The following GRM8 variants were observed in gnomAD, a reference collection of about 807,000 sequenced individuals.
The protein encoded by GRM8 is metabotropic glutamate receptor 8.
In GRM8, 47 loss-of-function variants were observed where a neutral mutation model predicts 87.2. That is an observed-to-expected ratio of 0.54 (90% CI 0.43 to 0.69). The LOEUF (loss-of-function observed/expected upper bound fraction) is 0.69, where lower values mean the gene tolerates loss of function less well. GRM8 is among the 30% of genes least tolerant of loss of function. The pLI is 0.00. For missense variants in GRM8, 1,019 were observed against 1,139.2 expected, an observed-to-expected ratio of 0.89 and a Z score of 1.52; for synonymous variants, 396 against 404.5, an observed-to-expected ratio of 0.98 and a Z score of 0.25.
intron 7 of GRM8, among the ~76,000 whole-genome samples, chr7:126,675,540 A>G (rs1379082667): frequency 6.6e-6 from 1 of 152,190 alleles, no homozygotes; most frequent in African/African-American, 2.4e-5. Flanking sequence ...AAAATAATTC[A>G]CCACGATCAA....
intron 7 of GRM8, among the ~76,000 whole-genome samples, chr7:126,722,808 C>A (rs1347533199): frequency 6.8e-6 from 1 of 147,044 alleles, no homozygotes; most frequent in East Asian, 2.0e-4. Context: ...ACTTCATAAT[C>A]TTTAAGGAGA....
At chr7:126,909,243 A>T (rs543832760) in intron 3 of GRM8, among the ~76,000 whole-genome samples, 1 of 152,348 alleles carries the variant, frequency 6.6e-6, no homozygotes, top group African/African-American at 2.4e-5. Context: ...ACTTCATAAG[A>T]GGAAGAGGTT....
chr7:127,159,042 G>A lies in GRM8; in HGVS notation c.511-52330C>T, dbSNP rs180899464. The stretch of plus-strand genomic sequence containing the variant: ...AGAAAGCCTGTATGGAAATTACGCT[G>A]ATGCATTCCTCCTTGCATTCAGGTT... On this transcript the variant is annotated intron_variant, in intron 2 of 10. Transcript: ENST00000339582. 3.2e-4 allele frequency among the ~76,000 whole-genome samples: 48 copies of A among 152,304 alleles called. 1 individual carries two copies. In the East Asian group the frequency reaches 8.5e-3, roughly 27 times the overall value.
rs762212749 is a variant in GRM8 at position 126,533,773 on chromosome 7, G to C, written c.1609C>G (p.His537Asp). 5.6e-6 allele frequency: 9 copies of C among 1,613,912 alleles called. No individual in the cohort carries two copies. In the African/African-American group the frequency reaches 1.2e-4, roughly 22 times the overall value. Residue 537 changes from histidine (H) to aspartate (D), a missense_variant, in exon 9 of 11, where the codon CAC (histidine) becomes GAC (aspartate). By Grantham distance (81) the His-to-Asp change is moderately conservative. Transcript: ENST00000339582. Reference protein sequence around the residue: ...KTVKGVPCCWHCERCEGYNYQ... With the variant: ...KTVKGVPCCWDCERCEGYNYQ... Reference sequence around the variant, plus strand: ...TTGTAACCTTCACAGCGTTCACAGTGCCAGCAGCAAGGGACCCCTTTCACC... The same window carrying C: ...TTGTAACCTTCACAGCGTTCACAGTCCCAGCAGCAAGGGACCCCTTTCACC...
intron 7 of GRM8, among the ~76,000 whole-genome samples, chr7:126,626,699 C>G (rs1800733372): frequency 6.6e-6 from 1 of 152,160 alleles, no homozygotes; most frequent in Non-Finnish European, 1.5e-5. Flanking sequence ...TCTACCTTCT[C>G]TTTGCTTTAT....
intron 9 of GRM8, among the ~76,000 whole-genome samples, chr7:126,456,766 AT>A (rs1252362522): frequency 1.3e-5 from 2 of 151,504 alleles, no homozygotes; most frequent in Non-Finnish European, 3.0e-5. Context: ...TGATATATAT[AT>A]TTCAATTGCC....
intron 7 of GRM8, among the ~76,000 whole-genome samples, chr7:126,763,944 C>G (rs1441614614): frequency 6.6e-6 from 1 of 151,526 alleles, no homozygotes; most frequent in Non-Finnish European, 1.5e-5. Context: ...AAGTTGTCTT[C>G]AAACAGGTTC....
intron 7 of GRM8, among the ~76,000 whole-genome samples, chr7:126,682,337 A>T (rs1195889044): frequency 6.6e-6 from 1 of 152,226 alleles, no homozygotes; most frequent in Non-Finnish European, 1.5e-5. Context: ...TATTTAAGAC[A>T]TAATACATCT....
intron 3 of GRM8, among the ~76,000 whole-genome samples, chr7:126,976,921 T>TTTAC (rs1811049507): frequency 2.0e-5 from 3 of 151,716 alleles, no homozygotes; most frequent in African/African-American, 7.3e-5. Context: ...TTTTACAGAT[T>TTTAC]TTACCTTGAT....
chr7:126,514,096 G>A lies in GRM8; in HGVS notation c.2430+18856C>T, dbSNP rs189686165. 2.4e-3 allele frequency among the ~76,000 whole-genome samples: 369 copies of A among 152,236 alleles called. 2 individuals carry two copies. The highest frequency in any genetic ancestry group is 8.3e-3 in the African/African-American group (345 of 41,548). ...TTGTCAAGCACAGTGCTGGGTACAG[G>A]AAACACAGAGATGAGGAAAATAAGT... is the stretch of plus-strand genomic sequence containing the variant. On this transcript the variant is annotated intron_variant, in intron 9 of 10. Transcript: ENST00000339582.
chr7:127,024,769 T>G (rs544687922), intron 3 of GRM8, among the ~76,000 whole-genome samples: 4 of 152,166 alleles, frequency 2.6e-5, no homozygotes, highest in African/African-American at 9.6e-5. Context: ...CAGAGCTCAC[T>G]CATGTTTTCA....
intron 7 of GRM8, among the ~76,000 whole-genome samples, chr7:126,706,304 C>T (rs1354648391): frequency 6.6e-6 from 1 of 151,926 alleles, no homozygotes; most frequent in African/African-American, 2.4e-5. Context: ...CTGACAAATC[C>T]CAAGGTCTAC....
intron 3 of GRM8, among the ~76,000 whole-genome samples, chr7:127,079,421 C>T (rs940835373): frequency 3.3e-5 from 5 of 152,134 alleles, no homozygotes; most frequent in African/African-American, 4.8e-5. Context: ...CACGCCCAGC[C>T]GTGTATTTTT....
chr7:127,154,942 G>T (rs912417041), intron 2 of GRM8, among the ~76,000 whole-genome samples: 1 of 152,104 alleles, frequency 6.6e-6, no homozygotes, highest in Non-Finnish European at 1.5e-5. Flanking sequence ...ATGGAAATAA[G>T]ACTGTTCATT....
chr7:126,656,450 G>A (rs6964279), intron 7 of GRM8, among the ~76,000 whole-genome samples: 2,473 of 152,162 alleles, frequency 0.016, 52 homozygotes, highest in African/African-American at 0.043. Flanking sequence ...AGGCCAAGGC[G>A]GGCGGATCGC....
At chr7:126,539,293 T>A (rs192981046) in intron 8 of GRM8, among the ~76,000 whole-genome samples, 2 of 151,890 alleles carry the variant, frequency 1.3e-5, no homozygotes, top group Admixed American at 6.5e-5. Context: ...AAAAAAAAAG[T>A]ATAAATAGTT....
At chr7:126,492,766 T>C (rs1264907521) in intron 9 of GRM8, among the ~76,000 whole-genome samples, 4 of 152,076 alleles carry the variant, frequency 2.6e-5, no homozygotes, top group African/African-American at 9.7e-5. Flanking sequence ...GTATTCCTTA[T>C]ATATAGATTT....
intron 6 of GRM8, among the ~76,000 whole-genome samples, chr7:126,791,014 T>C (rs1031322230): frequency 6.6e-6 from 1 of 152,132 alleles, no homozygotes; most frequent in African/African-American, 2.4e-5. Context: ...ATTTGATAAA[T>C]GACAGTGCCA....
intron 6 of GRM8, among the ~76,000 whole-genome samples, chr7:126,835,181 T>G (rs983442750): frequency 2.6e-5 from 4 of 152,174 alleles, no homozygotes; most frequent in Non-Finnish European, 5.9e-5. Context: ...CTACAAAAAT[T>G]CAAGTTGTCC....
Sources: gnomAD v4.1 joint callset for allele counts (sites outside exome capture counted in the v4.1 genomes callset) on GRCh38, gnomAD v4.1.1 for gene constraint, MANE v1.5 for transcripts, NCBI Gene and HGNC (gene_info 2026-07-23, HGNC 2026-07-21) for gene names.